NPAS3: variants seen among roughly 807,000 people sequenced by gnomAD.
NPAS3 encodes the protein neuronal PAS domain-containing protein 3.
Under a neutral mutation model 73.1 loss-of-function variants are expected in NPAS3, and 14 were observed. That is an observed-to-expected ratio of 0.19 (90% CI 0.13 to 0.30). The LOEUF (loss-of-function observed/expected upper bound fraction) is 0.30, where lower values mean the gene tolerates loss of function less well. Ranked by LOEUF, NPAS3 falls within the 10% of genes least tolerant of loss-of-function variation. The pLI is 1.00. For synonymous variants in NPAS3, 620 were observed against 541.5 expected (o/e 1.14, Z -2.01); for missense variants, 1,096 against 1,250.0 (o/e 0.88, Z 1.86).
At chr14:33,707,866 C>T (rs998944185) in intron 6 of NPAS3, among the ~76,000 whole-genome samples, 3 of 152,174 alleles carry the variant, frequency 2.0e-5, no homozygotes, top group Admixed American at 2.0e-4. Flanking sequence ...TATCGCTTTG[C>T]CTGCATGCGT....
chr14:32,966,340 A>G lies in NPAS3; in HGVS notation c.50+26974A>G, dbSNP rs561133242. On this transcript the variant is annotated intron_variant, in intron 1 of 11. Transcript: ENST00000356141. ...AGTAACCAAACACTGTGGTAACTGC[A>G]TGAAAACAGACACATAGACCAATGA... Among the ~76,000 whole-genome samples the G allele has an allele frequency of 4.6e-5, 7 of 152,344 alleles. No homozygotes were observed. In the South Asian group the frequency reaches 1.4e-3, roughly 32 times the overall value.
intron 4 of NPAS3, among the ~76,000 whole-genome samples, chr14:33,436,607 T>C (rs2049000651): frequency 6.6e-6 from 1 of 152,222 alleles, no homozygotes; most frequent in Non-Finnish European, 1.5e-5. Context: ...TCAAATATTG[T>C]CTACCATTCT....
At chr14:33,611,848 C>A (rs1320392634) in intron 5 of NPAS3, among the ~76,000 whole-genome samples, 1 of 152,120 alleles carries the variant, frequency 6.6e-6, no homozygotes, top group South Asian at 2.1e-4. Flanking sequence ...TTTAACTCAT[C>A]ATTTTCCTTA....
intron 2 of NPAS3, among the ~76,000 whole-genome samples, chr14:33,156,254 T>C (rs1338161757): frequency 6.6e-6 from 1 of 152,204 alleles, no homozygotes; most frequent in East Asian, 1.9e-4. Context: ...TAAATTTCAA[T>C]TTATTGGATT....
rs183418317 is a variant in NPAS3, at chr14:33,542,104, A to C, written c.469-18017A>C. 2.2e-4 allele frequency among the ~76,000 whole-genome samples: 34 copies of C among 152,208 alleles called. No individual in the cohort carries two copies. The East Asian group carries it at 5.6e-3, about 25-fold the overall frequency. On this transcript the variant is annotated intron_variant, in intron 4 of 11. Coordinates refer to ENST00000356141, the Ensembl canonical transcript of NPAS3. ...AATGTATATACATATTTGGCTGCAA[A>C]TTTCAGTTTTGCTGGCCAGAAACTC...
chr14:33,110,106 A>G (rs1349743121), intron 2 of NPAS3, among the ~76,000 whole-genome samples: 1 of 152,066 alleles, frequency 6.6e-6, no homozygotes, highest in Admixed American at 6.6e-5. Flanking sequence ...TGAGTGACAA[A>G]TTCAGTTTAA....
intron 1 of NPAS3, among the ~76,000 whole-genome samples, chr14:33,028,073 TG>T (rs2039868116): frequency 6.6e-6 from 1 of 152,178 alleles, no homozygotes; most frequent in Admixed American, 6.5e-5. Context: ...AGAAGTTTTT[TG>T]GGGGTAAACT....
At chr14:32,981,955 T>C (rs1317155834) in intron 1 of NPAS3, among the ~76,000 whole-genome samples, 2 of 152,224 alleles carry the variant, frequency 1.3e-5, no homozygotes, top group African/African-American at 4.8e-5. Context: ...TTCTTCCCAT[T>C]TCTTGCCTTA....
intron 7 of NPAS3, among the ~76,000 whole-genome samples, chr14:33,765,680 T>C (rs531108457): frequency 6.6e-6 from 1 of 152,342 alleles, no homozygotes; most frequent in African/African-American, 2.4e-5. Flanking sequence ...GCTTTAATCA[T>C]AAATATATGT....
At chr14:33,696,864 G>A (rs1167155338) in intron 6 of NPAS3, among the ~76,000 whole-genome samples, 1 of 152,170 alleles carries the variant, frequency 6.6e-6, no homozygotes, top group African/African-American at 2.4e-5. Flanking sequence ...CCTGCATCTA[G>A]AATCTGCTGA....
chr14:33,731,238 A>G (rs564699137), intron 6 of NPAS3, among the ~76,000 whole-genome samples: 2 of 152,110 alleles, frequency 1.3e-5, no homozygotes, highest in Admixed American at 1.3e-4. Flanking sequence ...CCCATCTACA[A>G]AAAATACTAA....
Position 33,301,864 on chromosome 14 carries a change from A to G in NPAS3, c.386-65322A>G, listed in dbSNP as rs373402487. ...TTTATCATTGTTTTCCCATGGTGTAATGATAGGTACTAACTTCCTTATAAC... is the reference window on the plus strand; with the variant it reads ...TTTATCATTGTTTTCCCATGGTGTAGTGATAGGTACTAACTTCCTTATAAC... On this transcript the variant is annotated intron_variant, in intron 3 of 11. Transcript: ENST00000356141. Among the ~76,000 whole-genome samples the G allele has an allele frequency of 2.0e-4, 31 of 152,260 alleles. No individual in the cohort carries two copies. The East Asian group carries it at 2.9e-3, about 14-fold the overall frequency.
At chr14:33,291,991 C>A (rs571088818) in intron 3 of NPAS3, among the ~76,000 whole-genome samples, 6 of 152,050 alleles carry the variant, frequency 3.9e-5, no homozygotes, top group Middle Eastern at 3.2e-3. Context: ...AGCATTTTGC[C>A]GGTCTAATTT....
intron 3 of NPAS3, among the ~76,000 whole-genome samples, chr14:33,263,294 G>C (rs916211251): frequency 2.6e-5 from 4 of 152,254 alleles, no homozygotes; most frequent in Admixed American, 2.6e-4. Context: ...ATTAATTTTT[G>C]TATAAGGTGT....
intron 4 of NPAS3, among the ~76,000 whole-genome samples, chr14:33,511,837 G>A (rs2053070341): frequency 6.6e-6 from 1 of 152,024 alleles, no homozygotes. Flanking sequence ...TTTTGGTTTT[G>A]TAGCATTCTA....
At chr14:33,112,700 G>T (rs924812822) in intron 2 of NPAS3, among the ~76,000 whole-genome samples, 1 of 152,082 alleles carries the variant, frequency 6.6e-6, no homozygotes, top group African/African-American at 2.4e-5. Flanking sequence ...TTTTCCTTTT[G>T]TTGCCATTGC....
chr14:33,484,832 G>A (rs1222108463), intron 4 of NPAS3, among the ~76,000 whole-genome samples: 3 of 152,090 alleles, frequency 2.0e-5, no homozygotes, highest in Non-Finnish European at 4.4e-5. Flanking sequence ...AAGCTGTGGG[G>A]CAAGACACAA....
chr14:33,113,739 T>A (rs1271783334), intron 2 of NPAS3, among the ~76,000 whole-genome samples: 1 of 152,224 alleles, frequency 6.6e-6, no homozygotes, highest in East Asian at 1.9e-4. Flanking sequence ...CATCCCTGTC[T>A]TGTGCCAGCT....
intron 2 of NPAS3, among the ~76,000 whole-genome samples, chr14:33,204,134 C>T (rs943533932): frequency 2.0e-5 from 3 of 152,038 alleles, no homozygotes; most frequent in Non-Finnish European, 2.9e-5. Context: ...CTTTTTTAAA[C>T]GTGTGTAGGG....
Sources: gnomAD v4.1 joint callset for allele counts (sites outside exome capture counted in the v4.1 genomes callset) on GRCh38, gnomAD v4.1.1 for gene constraint, MANE v1.5 for transcripts, NCBI Gene and HGNC (gene_info 2026-07-23, HGNC 2026-07-21) for gene names.